KLHL33: variants seen among roughly 807,000 people sequenced by gnomAD.
KLHL33 encodes kelch-like protein 33.
Under a neutral mutation model 60.8 loss-of-function variants are expected in KLHL33, and 46 were observed. The observed-to-expected ratio is 0.76, with a 90% confidence interval of 0.60 to 0.97. The LOEUF is 0.97. KLHL33 is among the 50% of genes least tolerant of loss of function. The probability of loss-of-function intolerance (pLI) is 0.00; values close to 1 mark genes in which losing one functional copy is unlikely to be tolerated. For synonymous variants in KLHL33, 434 were observed against 432.2 expected (o/e 1.00, Z -0.05); for missense variants, 1,055 against 1,000.0 (o/e 1.05, Z -0.74).
rs1043206359 is a variant in KLHL33 at position 20,426,001 on chromosome 14, A to G, written c.*2848T>C. The G allele has an allele frequency of 1.3e-5, 2 of 152,014 alleles. No homozygotes were observed. The highest frequency in any genetic ancestry group is 6.6e-5 in the Admixed American group (1 of 15,250). The allele number at this position is 152,014 out of a possible 1,614,324, so 9.4% of individuals were successfully genotyped here. On this transcript the variant is annotated 3_prime_UTR_variant, in exon 5 of 5. Transcript: ENST00000636854. ...CCTTCTCTTTTCTCTTATACATCCT[A>G]CTTACCCCTTCTCATTTTCAATTAC... is the stretch of plus-strand genomic sequence containing the variant.
rs2139267690 is a variant in KLHL33 at position 20,430,482 on chromosome 14, C to A, written c.986G>T (p.Gly329Val). The A allele has an allele frequency of 3.2e-6, 5 of 1,550,872 alleles. No individual in the cohort carries two copies. Among genetic ancestry groups the A allele is most frequent in the South Asian group, 1.2e-5 (1 of 84,066 alleles). ...SSSCLDLCQKGLARGLSPARC... is the reference protein window; with the variant it reads ...SSSCLDLCQKVLARGLSPARC... ...GGCAGGGCTGAGGCCCCGTGCCAAGCCTTTCTGACACAAATCCAAGCAGGA... is the reference window on the plus strand; with the variant it reads ...GGCAGGGCTGAGGCCCCGTGCCAAGACTTTCTGACACAAATCCAAGCAGGA... The change falls in exon 3 of 5, where the codon GGC becomes GTC. Residue 329 changes from glycine to valine, a missense_variant. Coordinates refer to ENST00000636854, the MANE Select transcript of KLHL33 (RefSeq NM_001365790.2).
At chr14:20,433,907 G>A (rs370738486) in intron 2 of KLHL33, among the ~76,000 whole-genome samples, 4 of 152,048 alleles carry the variant, frequency 2.6e-5, no homozygotes, top group South Asian at 2.1e-4. Flanking sequence ...TTCTGATTTC[G>A]TCATCATCAA....
At position 20,428,994 on chromosome 14, in the gene KLHL33, G is replaced by T. The variant is rs1318858408; in HGVS notation, c.2249C>A (p.Ala750Asp). 6.4e-7 allele frequency: 1 copy of T among 1,551,612 alleles called. No individual in the cohort carries two copies. Among genetic ancestry groups the T allele is most frequent in the Non-Finnish European group, 8.7e-7 (1 of 1,147,018 alleles). ...RTYALSHLIH[A>D]YCPGLGRWLC... The stretch of plus-strand genomic sequence containing the variant: ...CCATCGGCCCAGGCCAGGACAGTAG[G>T]CATGGATAAGGTGAGAGAGGGCATA... Residue 750 changes from alanine to aspartate, a missense_variant, in exon 5 of 5, where the codon GCC becomes GAC. Coordinates refer to ENST00000636854, the MANE Select transcript of KLHL33 (RefSeq NM_001365790.2).
At chr14:20,432,964 A>AAGAAAGAAAGAAAGAAAG in intron 2 of KLHL33, among the ~76,000 whole-genome samples, 1 of 151,666 alleles carries the variant, frequency 6.6e-6, no homozygotes, top group African/African-American at 2.4e-5. Flanking sequence ...GAAAGAAAGA[A>AAGAAAGAAAGAAAGAAAG]AGAAAGAAAG....
rs1421995703 is a variant in KLHL33, at chr14:20,430,102, GC to G, written c.1365del (p.Gln455HisfsTer2). On this transcript the variant is annotated frameshift_variant, in exon 3 of 5. Coordinates refer to ENST00000636854, the MANE Select transcript of KLHL33 (RefSeq NM_001365790.2). LOFTEE classifies it high-confidence loss of function. Reference protein sequence around the residue: ...LPPLTPDLLHQLMVEADVPGQ... With the variant: ...LPPLTPDLLHXLMVEADVPGQ... ...CCTGGAACATCAGCCTCTACCATCA[GC>G]TGGTGCAACAGATCTGGGGTCAGGG... 6.4e-7 allele frequency: 1 copy of G among 1,551,754 alleles called. No individual in the cohort carries two copies.
intron 2 of KLHL33, among the ~76,000 whole-genome samples, chr14:20,432,432 T>A (rs1018044796): frequency 6.6e-6 from 1 of 151,246 alleles, no homozygotes; most frequent in Non-Finnish European, 1.5e-5. Flanking sequence ...CAATCTTACA[T>A]GTTATTGTCT....
In KLHL33 at chr14:20,435,511, C is replaced by G; in HGVS notation, c.301G>C (p.Ala101Pro). 2 of 1,234,762 alleles carry G rather than the reference C, an allele frequency of 1.6e-6. No individual in the cohort carries two copies. Among genetic ancestry groups the G allele is most frequent in the Non-Finnish European group, 2.0e-6 (2 of 988,456 alleles). 76.5% of individuals were successfully genotyped at this position (1,234,762 alleles called of 1,614,324 possible). Reference protein sequence around the residue: ...RSEEHPSQFFAEAQRLREQRL... With the variant: ...RSEEHPSQFFPEAQRLREQRL... ...TGCTCCCGCAGCCGCTGGGCCTCGG[C>G]GAAAAACTGGCTCGGATGCTCCTCG... The change falls in exon 2 of 5, where the codon GCC (alanine) becomes CCC (proline). Residue 101 changes from alanine (A) to proline (P), a missense_variant. Transcript: ENST00000636854.
intron 1 of KLHL33, 71 bp from the exon 2 acceptor site, chr14:20,435,901 C>T: frequency 8.9e-7 from 1 of 1,124,388 alleles, no homozygotes; most frequent in Middle Eastern, 3.3e-4. Context: ...AACCATGTCT[C>T]CAGCCAGTTG....
At position 20,429,873 on chromosome 14, in the gene KLHL33, C is replaced by A; in HGVS notation, c.1595G>T (p.Ser532Ile). Residue 532 changes from serine to isoleucine, a missense_variant, in exon 3 of 5, where the codon AGC (serine) becomes ATC (isoleucine). Coordinates refer to ENST00000636854, the MANE Select transcript of KLHL33 (RefSeq NM_001365790.2). ...APGRFRHGAASLAGSELYVCG... is the reference protein window; with the variant it reads ...APGRFRHGAAILAGSELYVCG... The stretch of plus-strand genomic sequence containing the variant: ...CACATAGAGTTCACTTCCTGCCAGG[C>A]TTGCAGCCCCATGCCGGAAGCGTCC... 1 of 1,551,996 alleles carries A rather than the reference C, an allele frequency of 6.4e-7. No individual in the cohort carries two copies. The highest frequency in any genetic ancestry group is 2.0e-5 in the Admixed American group (1 of 51,004).
Position 20,429,046 on chromosome 14 carries a change from C to G in KLHL33, c.2197G>C (p.Val733Leu). 1 of 1,551,718 alleles carries G rather than the reference C, an allele frequency of 6.4e-7. No homozygotes were observed. Among genetic ancestry groups the G allele is most frequent in the East Asian group, 2.4e-5 (1 of 40,928 alleles). The change falls in exon 5 of 5, where the codon GTG becomes CTG. Residue 733 changes from valine to leucine, a missense_variant. Val to Leu is a conservative substitution (Grantham distance 32, BLOSUM62 1). Coordinates refer to ENST00000636854, the MANE Select transcript of KLHL33 (RefSeq NM_001365790.2). ...GTACGGTGACTGTAGCCCCCGAGCACCAGTAGCTCCCCCTGCAGCACAGCA... is the reference window on the plus strand; with the variant it reads ...GTACGGTGACTGTAGCCCCCGAGCAGCAGTAGCTCCCCCTGCAGCACAGCA... The part of the protein sequence containing the change: ...ASAVLQGELL[V>L]LGGYSHRTYA...
intron 3 of KLHL33, 58 bp from the exon 4 acceptor site, chr14:20,429,727 G>A: frequency 6.5e-7 from 1 of 1,530,922 alleles, no homozygotes; most frequent in Non-Finnish European, 8.8e-7. Flanking sequence ...TGGTTGGCTA[G>A]GCCAGCAATT....
intron 2 of KLHL33, among the ~76,000 whole-genome samples, chr14:20,434,542 G>GAA (rs5807035): frequency 3.5e-5 from 5 of 141,906 alleles, no homozygotes; most frequent in South Asian, 2.2e-4. Flanking sequence ...TGCTGTCTCA[G>GAA]AAAAAAAAAA....
In KLHL33 at chr14:20,427,766, CTG is replaced by C. The variant is rs1465381112; in HGVS notation, c.*1081_*1082del. ...CTGCCACACAGTAGGTAATTAATAA[CTG>C]TGTGAGGGAGAAAGAAGAGAAAGAA... On this transcript the variant is annotated 3_prime_UTR_variant, in exon 5 of 5. Transcript: ENST00000636854. The C allele has an allele frequency of 6.6e-6, 1 of 152,062 alleles. No individual in the cohort carries two copies. The highest frequency in any genetic ancestry group is 1.9e-4 in the East Asian group (1 of 5,194). The allele number at this position is 152,062 out of a possible 1,614,324, so 9.4% of individuals were successfully genotyped here.
In KLHL33 at chr14:20,429,060, T is replaced by C; in HGVS notation, c.2183A>G (p.Gln728Arg). 6.4e-7 allele frequency: 1 copy of C among 1,551,692 alleles called. No homozygotes were observed. The highest frequency in any genetic ancestry group is 1.2e-5 in the South Asian group (1 of 84,060). ...GCCCCCGAGCACCAGTAGCTCCCCC[T>C]GCAGCACAGCACTTGCAGCCCCCAC... ...PHVGAASAVL[Q>R]GELLVLGGYS... The change falls in exon 5 of 5, where the codon CAG becomes CGG. Residue 728 changes from glutamine (Q) to arginine (R), a missense_variant. Physicochemically the swap from Gln to Arg is conservative, Grantham distance 43. Coordinates refer to ENST00000636854, the MANE Select transcript of KLHL33 (RefSeq NM_001365790.2).
intron 2 of KLHL33, among the ~76,000 whole-genome samples, chr14:20,431,164 C>T (rs377664884): frequency 3.3e-5 from 5 of 152,156 alleles, no homozygotes; most frequent in African/African-American, 1.2e-4. Context: ...CTGTCTATAT[C>T]GTGACAAAAT....
At chr14:20,434,911 G>C (rs181184958) in intron 2 of KLHL33, among the ~76,000 whole-genome samples, 153 bp downstream of exon 2, 24 of 152,284 alleles carry the variant, frequency 1.6e-4, no homozygotes, top group Non-Finnish European at 2.6e-4. Context: ...GGCTCTCCGT[G>C]GGGCAGGAGA....
chr14:20,426,166 C>T lies in KLHL33; in HGVS notation c.*2683G>A, dbSNP rs1048851792. 6.6e-6 allele frequency: 1 copy of T among 152,116 alleles called. No homozygotes were observed. Among genetic ancestry groups the T allele is most frequent in the African/African-American group, 2.4e-5 (1 of 41,406 alleles). The allele number at this position is 152,116 out of a possible 1,614,324, so 9.4% of individuals were successfully genotyped here. On this transcript the variant is annotated 3_prime_UTR_variant, in exon 5 of 5. Coordinates refer to ENST00000636854, the MANE Select transcript of KLHL33 (RefSeq NM_001365790.2). ...GTGCAAGGGAGACTCCATCATCACC[C>T]TTAGAAACATGAAAATCTTAATAAA... is the stretch of plus-strand genomic sequence containing the variant.
chr14:20,426,200 A>G lies in KLHL33; in HGVS notation c.*2649T>C, dbSNP rs1419864820. The G allele has an allele frequency of 6.6e-6, 1 of 152,108 alleles. No individual in the cohort carries two copies. Among genetic ancestry groups the G allele is most frequent in the Non-Finnish European group, 1.5e-5 (1 of 68,030 alleles). The allele number at this position is 152,108 out of a possible 1,614,324, so 9.4% of individuals were successfully genotyped here. On this transcript the variant is annotated 3_prime_UTR_variant, in exon 5 of 5. Coordinates refer to ENST00000636854, the MANE Select transcript of KLHL33 (RefSeq NM_001365790.2). The stretch of plus-strand genomic sequence containing the variant: ...ATGAAAATCTTAATAAACAATGGTA[A>G]TAGAAAACTGACCTACACAGGCCGG...
chr14:20,435,302 CTCATAGGCAAAGG>C lies in KLHL33; in HGVS notation c.497_509del (p.Thr166ArgfsTer24). 1 of 1,234,434 alleles carries C rather than the reference CTCATAGGCAAAGG, an allele frequency of 8.1e-7. No individual in the cohort carries two copies. Among genetic ancestry groups the C allele is most frequent in the Non-Finnish European group, 1.0e-6 (1 of 988,210 alleles). The allele number at this position is 1,234,434 out of a possible 1,614,324, so 76.5% of individuals were successfully genotyped here. A position where few individuals can be genotyped will look rare whatever the true frequency, so the allele number is the denominator to read the frequency against. Reference sequence around the variant, plus strand: ...CCTGCGAGGCGGGGCCCAGCACCCCCTCATAGGCAAAGGTCAGCACGGCCTCCCAGCCCCCTGG... The same window carrying C: ...CCTGCGAGGCGGGGCCCAGCACCCCCTCAGCACGGCCTCCCAGCCCCCTGG... On this transcript the variant is annotated frameshift_variant, in exon 2 of 5. Coordinates refer to ENST00000636854, the MANE Select transcript of KLHL33 (RefSeq NM_001365790.2). LOFTEE classifies it high-confidence loss of function.
Sources: gnomAD v4.1 joint callset for allele counts (sites outside exome capture counted in the v4.1 genomes callset) on GRCh38, gnomAD v4.1.1 for gene constraint, MANE v1.5 for transcripts, NCBI Gene and HGNC (gene_info 2026-07-23, HGNC 2026-07-21) for gene names.